Variants in CNTN5 observed in about 807,000 individuals in gnomAD.
CNTN5 encodes the protein contactin-5.
CNTN5 carries 77 observed loss-of-function variants against 129.1 expected under a neutral mutation model. The observed-to-expected ratio is 0.60, with a 90% confidence interval of 0.50 to 0.72. The LOEUF is 0.72. Ranked by LOEUF, CNTN5 falls within the 30% of genes least tolerant of loss-of-function variation. The probability of loss-of-function intolerance (pLI) is 0.00; values close to 1 mark genes in which losing one functional copy is unlikely to be tolerated. For synonymous variants in CNTN5, 509 were observed against 465.6 expected (o/e 1.09, Z -1.20); for missense variants, 1,478 against 1,328.8 (o/e 1.11, Z -1.75).
chr11:99,400,295 A>G (rs1273519562), intron 2 of CNTN5, among the ~76,000 whole-genome samples: 1 of 152,084 alleles, frequency 6.6e-6, no homozygotes, highest in Non-Finnish European at 1.5e-5. Context: ...TGTGCCTGCT[A>G]TTTCGCTTAA....
chr11:100,265,148 T>C (rs1301284814), intron 17 of CNTN5, among the ~76,000 whole-genome samples: 1 of 152,152 alleles, frequency 6.6e-6, no homozygotes, highest in Non-Finnish European at 1.5e-5. Context: ...AGAATTGTGC[T>C]GTACTTATAC....
chr11:99,245,499 T>C (rs1861770070), intron 1 of CNTN5, among the ~76,000 whole-genome samples: 1 of 152,086 alleles, frequency 6.6e-6, no homozygotes, highest in Admixed American at 6.6e-5. Flanking sequence ...TTTTGTATTT[T>C]TATTAGAGAC....
At chr11:99,591,452 C>T (rs1013130399) in intron 3 of CNTN5, among the ~76,000 whole-genome samples, 12 of 150,598 alleles carry the variant, frequency 8.0e-5, no homozygotes, top group Non-Finnish European at 1.5e-4. Context: ...ATTCTCCTGC[C>T]TCAGCCTCCC....
At chr11:100,015,412 C>T (rs887028819) in intron 9 of CNTN5, among the ~76,000 whole-genome samples, 2 of 152,098 alleles carry the variant, frequency 1.3e-5, no homozygotes, top group African/African-American at 4.8e-5. Flanking sequence ...TGCTAATAAC[C>T]ATCACTGGTG....
chr11:100,136,003 G>A (rs770932158), intron 13 of CNTN5, among the ~76,000 whole-genome samples: 6 of 152,072 alleles, frequency 3.9e-5, no homozygotes, highest in Non-Finnish European at 8.8e-5. Context: ...TTATCTGGAA[G>A]TTCAGTGCTA....
chr11:100,237,591 G>A (rs1355580162), intron 16 of CNTN5, among the ~76,000 whole-genome samples: 2 of 152,050 alleles, frequency 1.3e-5, no homozygotes, highest in African/African-American at 4.8e-5. Context: ...CCTTAATTTG[G>A]AATTACAAAG....
chr11:99,226,916 G>A (rs1275300374), intron 1 of CNTN5, among the ~76,000 whole-genome samples: 2 of 152,046 alleles, frequency 1.3e-5, no homozygotes, highest in African/African-American at 2.4e-5. Flanking sequence ...TAGTTACCTC[G>A]TATACAGATA....
intron 1 of CNTN5, chr11:99,049,629 C>T (rs1864347555): frequency 6.6e-6 from 1 of 152,140 alleles, no homozygotes; most frequent in South Asian, 2.1e-4. Context: ...TTCCAGGACC[C>T]TCCCCAGCAA....
At chr11:99,702,595 C>T (rs371223087) in intron 3 of CNTN5, among the ~76,000 whole-genome samples, 1 of 150,784 alleles carries the variant, frequency 6.6e-6, no homozygotes, top group South Asian at 2.1e-4. Context: ...ATTCTCCTGA[C>T]ATTTTGCTGT....
intron 1 of CNTN5, among the ~76,000 whole-genome samples, chr11:99,200,834 A>G (rs1271182772): frequency 6.6e-6 from 1 of 152,056 alleles, no homozygotes; most frequent in East Asian, 1.9e-4. Flanking sequence ...GATTAGCTAG[A>G]TAATATACCC....
intron 13 of CNTN5, among the ~76,000 whole-genome samples, chr11:100,129,142 T>A (rs746835426): frequency 2.6e-5 from 4 of 152,172 alleles, no homozygotes; most frequent in Admixed American, 6.6e-5. Flanking sequence ...ATCTACTGAA[T>A]GAGCACATAA....
intron 2 of CNTN5, among the ~76,000 whole-genome samples, chr11:99,407,842 A>C (rs1482446049): frequency 2.0e-5 from 3 of 152,042 alleles, no homozygotes; most frequent in African/African-American, 7.2e-5. Flanking sequence ...CTTCTATAAC[A>C]AGGGCAGCAC....
At chr11:99,301,944 A>G (rs1864660699) in intron 1 of CNTN5, among the ~76,000 whole-genome samples, 1 of 151,700 alleles carries the variant, frequency 6.6e-6, no homozygotes, top group African/African-American at 2.4e-5. Flanking sequence ...AAAATTGAAT[A>G]TTTGAAAATA....
intron 15 of CNTN5, among the ~76,000 whole-genome samples, chr11:100,211,394 C>T (rs754516152): frequency 1.3e-5 from 2 of 151,456 alleles, no homozygotes; most frequent in African/African-American, 2.4e-5. Context: ...GTATGAAGAA[C>T]GATGTCAAAT....
intron 1 of CNTN5, among the ~76,000 whole-genome samples, chr11:99,219,253 G>T (rs1355610749): frequency 6.6e-6 from 1 of 151,836 alleles, no homozygotes; most frequent in African/African-American, 2.4e-5. Context: ...TCTAATGAAA[G>T]ATTTACATAC....
At chr11:99,821,639 A>T (rs942843318) in intron 4 of CNTN5, among the ~76,000 whole-genome samples, 3 of 152,182 alleles carry the variant, frequency 2.0e-5, no homozygotes, top group African/African-American at 7.2e-5. Flanking sequence ...CAATAAAGGC[A>T]GATGAAACCC....
chr11:99,932,376 A>T (rs938390076), intron 7 of CNTN5, among the ~76,000 whole-genome samples: 2 of 152,028 alleles, frequency 1.3e-5, no homozygotes, highest in Admixed American at 1.3e-4. Flanking sequence ...TATTTTTAGT[A>T]GAGACGGGGT....
chr11:100,055,592 G>T (rs936754109), intron 9 of CNTN5, among the ~76,000 whole-genome samples: 1 of 151,180 alleles, frequency 6.6e-6, no homozygotes, highest in Non-Finnish European at 1.5e-5. Context: ...TCTCTTTTCC[G>T]CTATATTGAA....
At chr11:99,386,582 C>T (rs11219727) in intron 2 of CNTN5, among the ~76,000 whole-genome samples, 34,848 of 152,012 alleles carry the variant, frequency 0.23, 4,787 homozygotes, top group Middle Eastern at 0.32. Context: ...TTAATGCAAC[C>T]TGTTTTATCA....
Sources: allele counts gnomAD v4.1 joint callset (sites outside exome capture counted in the v4.1 genomes callset), GRCh38; gene constraint gnomAD v4.1.1; transcripts MANE v1.5; gene names NCBI Gene and HGNC (gene_info 2026-07-23, HGNC 2026-07-21).